The following DHRSX variants were observed in gnomAD, a reference collection of about 807,000 sequenced individuals.
The protein encoded by DHRSX is polyprenol dehydrogenase.
A neutral mutation model predicts 34.0 loss-of-function variants in DHRSX; 31 were observed. The ratio of observed to expected loss-of-function variants is 0.91; its 90% CI spans 0.69 to 1.23. The LOEUF (loss-of-function observed/expected upper bound fraction) is 1.23, where lower values mean the gene tolerates loss of function less well. Among genes scored for constraint, DHRSX ranks in the 50% most tolerant of loss-of-function variants. The pLI, the probability that DHRSX is intolerant of heterozygous loss-of-function variation, is 0.00. For synonymous variants in DHRSX, 201 were observed against 183.8 expected, an observed-to-expected ratio of 1.09 and a Z score of -0.76; for missense variants, 414 against 428.1, an observed-to-expected ratio of 0.97 and a Z score of 0.29.
chrX:2,276,257 T>C (rs1569482988), intron 4 of DHRSX, among the ~76,000 whole-genome samples: 1 of 152,240 alleles, frequency 6.6e-6, no homozygotes, highest in Non-Finnish European at 1.5e-5. Context: ...TCAGCAAATA[T>C]ACTGATGTTT....
intron 3 of DHRSX, among the ~76,000 whole-genome samples, chrX:2,344,720 C>T (rs975402643): frequency 6.6e-6 from 1 of 151,480 alleles, no homozygotes; most frequent in African/African-American, 2.4e-5. Flanking sequence ...GTCAGGGGGT[C>T]AGGGGCTAGT....
Position 2,384,416 on chromosome X carries a change from T to A in DHRSX, c.286+24329A>T, listed in dbSNP as rs148530165. ...TGGTTGCAAGACCTAAGGAAAGGTG[T>A]GTAGTGTGAGATGCTACGAGGAAAC... On this transcript the variant is annotated intron_variant, in intron 3 of 6. Coordinates refer to ENST00000334651, the MANE Select transcript of DHRSX (RefSeq NM_145177.3). Among the ~76,000 whole-genome samples the A allele has an allele frequency of 8.5e-3, 1,297 of 152,122 alleles. 15 individuals carry two copies. Among genetic ancestry groups the A allele is most frequent in the African/African-American group, 0.029 (1,186 of 41,496 alleles).
At chrX:2,458,915 G>A (rs1420638309) in intron 1 of DHRSX, among the ~76,000 whole-genome samples, 1 of 151,996 alleles carries the variant, frequency 6.6e-6, no homozygotes, top group Non-Finnish European at 1.5e-5. Flanking sequence ...TGAGGCAGAA[G>A]GATCACTTCT....
At chrX:2,268,139 C>CA (rs1310291717) in intron 4 of DHRSX, among the ~76,000 whole-genome samples, 1 of 152,186 alleles carries the variant, frequency 6.6e-6, no homozygotes, top group Non-Finnish European at 1.5e-5. Context: ...CTGTGCTTGA[C>CA]ATGTTCTATC....
At chrX:2,469,561 CG>C (rs1000600177) in intron 1 of DHRSX, among the ~76,000 whole-genome samples, 3 of 151,380 alleles carry the variant, frequency 2.0e-5, no homozygotes, top group Admixed American at 6.6e-5. Flanking sequence ...GCCAAGGGAC[CG>C]CCACCGTGTA....
intron 3 of DHRSX, among the ~76,000 whole-genome samples, chrX:2,402,086 G>C (rs1160882188): frequency 6.6e-6 from 1 of 152,182 alleles, no homozygotes; most frequent in East Asian, 1.9e-4. Context: ...AAAGGCAGGA[G>C]GGGAAAGCAG....
intron 1 of DHRSX, among the ~76,000 whole-genome samples, chrX:2,459,550 GTATATATATATA>G (rs57748851): frequency 3.9e-4 from 54 of 137,782 alleles, no homozygotes; most frequent in African/African-American, 1.2e-3. Context: ...GTGTCTGTGT[GTATATATATATA>G]TATATATATA....
chrX:2,307,028 C>G (rs916308047), intron 3 of DHRSX, among the ~76,000 whole-genome samples: 1 of 148,924 alleles, frequency 6.7e-6, no homozygotes, highest in Non-Finnish European at 1.5e-5. Context: ...CTTCCTGATT[C>G]AATCTTGGGA....
At chrX:2,412,798 C>G (rs922751530) in intron 2 of DHRSX, among the ~76,000 whole-genome samples, 2 of 152,132 alleles carry the variant, frequency 1.3e-5, no homozygotes, top group African/African-American at 4.8e-5. Flanking sequence ...ATGGATCAAC[C>G]AGGAGTACAT....
chrX:2,244,242 A>G (rs1164371087), intron 5 of DHRSX, among the ~76,000 whole-genome samples: 1 of 152,146 alleles, frequency 6.6e-6, no homozygotes, highest in African/African-American at 2.4e-5. Context: ...GAAATGTTTT[A>G]GTATCACAGG....
chrX:2,221,204 G>C lies in DHRSX; in HGVS notation c.830C>G (p.Ser277Cys), dbSNP rs141861979. Residue 277 changes from serine (S) to cysteine (C), a missense_variant, in exon 7 of 7, where the codon TCC becomes TGC. Ser to Cys is a moderately radical substitution (Grantham distance 112). Transcript: ENST00000334651. ...FKTPDEGAWTSIYAAVTPELE... is the reference protein window; with the variant it reads ...FKTPDEGAWTCIYAAVTPELE... ...CTCTGGGGTGACTGCTGCGTAGATG[G>C]AAGTCCACGCTCCTTCATCGGGGGT... 3.7e-5 allele frequency: 60 copies of C among 1,613,774 alleles called. No individual in the cohort carries two copies. The African/African-American group carries it at 7.5e-4, about 20-fold the overall frequency.
intron 3 of DHRSX, among the ~76,000 whole-genome samples, chrX:2,338,840 C>T (rs1414681571): frequency 5.3e-5 from 8 of 151,968 alleles, no homozygotes; most frequent in Admixed American, 2.0e-4. Flanking sequence ...ACAAAACCGA[C>T]GAAGACACCC....
chrX:2,322,880 CCCT>C (rs1172240149), intron 3 of DHRSX, among the ~76,000 whole-genome samples: 10 of 151,938 alleles, frequency 6.6e-5, no homozygotes, highest in Non-Finnish European at 1.2e-4. Context: ...TGTGTGACGC[CCCT>C]AACTCCCACA....
chrX:2,224,955 C>T (rs2015611499), intron 6 of DHRSX, among the ~76,000 whole-genome samples: 1 of 37,662 alleles, frequency 2.7e-5, no homozygotes, highest in Non-Finnish European at 4.2e-5. Context: ...ACACAGCTCA[C>T]ACACATGCTC....
chrX:2,344,025 T>A (rs62583722), intron 3 of DHRSX, among the ~76,000 whole-genome samples: 1 of 151,816 alleles, frequency 6.6e-6, no homozygotes, highest in Non-Finnish European at 1.5e-5. Flanking sequence ...CCGTGCATCT[T>A]GGGGCTTCTG....
At chrX:2,425,385 G>C in intron 1 of DHRSX, 81 bp from the exon 2 acceptor site, 1 of 1,210,448 alleles carries the variant, frequency 8.3e-7, no homozygotes, top group Non-Finnish European at 1.2e-6. Context: ...CTCCAGAGAG[G>C]CAAGATGCCA....
intron 1 of DHRSX, among the ~76,000 whole-genome samples, chrX:2,465,459 G>A (rs907979466): frequency 2.0e-5 from 3 of 152,046 alleles, no homozygotes; most frequent in African/African-American, 4.8e-5. Context: ...CTTTGGCAAT[G>A]TCATTTCATC....
At chrX:2,233,151 T>C (rs1417869381) in intron 6 of DHRSX, among the ~76,000 whole-genome samples, 1 of 152,222 alleles carries the variant, frequency 6.6e-6, no homozygotes, top group Middle Eastern at 3.4e-3. Context: ...CGACCTCCTG[T>C]GTAGAGCAAG....
At chrX:2,247,720 A>G (rs2016332649) in intron 5 of DHRSX, among the ~76,000 whole-genome samples, 1 of 152,098 alleles carries the variant, frequency 6.6e-6, no homozygotes. Flanking sequence ...TTCATAAAAT[A>G]AATGAACAAA....
Sources: allele counts gnomAD v4.1 joint callset (sites outside exome capture counted in the v4.1 genomes callset), GRCh38; gene constraint gnomAD v4.1.1; transcripts MANE v1.5; gene names NCBI Gene and HGNC (gene_info 2026-07-23, HGNC 2026-07-21).